ZNF521: variants seen among roughly 807,000 people sequenced by gnomAD.
The protein encoded by ZNF521 is LYST-interacting protein 3.
In ZNF521, 14 loss-of-function variants were observed where a neutral mutation model predicts 105.5. The observed-to-expected ratio is 0.13, with a 90% CI of 0.09 to 0.21. ZNF521 has a LOEUF of 0.21. Ranked by LOEUF, ZNF521 falls within the 10% of genes least tolerant of loss-of-function variation. ZNF521 has a pLI of 1.00. For missense variants in ZNF521, 1,233 were observed against 1,629.7 expected (o/e 0.76, Z 4.19); for synonymous variants, 635 against 606.0 (o/e 1.05, Z -0.70).
chr18:25,207,057 G>A (rs553981819), intron 4 of ZNF521, among the ~76,000 whole-genome samples: 18 of 144,082 alleles, frequency 1.2e-4, no homozygotes, highest in African/African-American at 2.1e-4. Flanking sequence ...TCATTATCCC[G>A]AAAATATCTT....
intron 4 of ZNF521, among the ~76,000 whole-genome samples, chr18:25,203,121 C>T (rs559561345): frequency 2.5e-4 from 38 of 152,244 alleles, no homozygotes; most frequent in Middle Eastern, 3.4e-3. Flanking sequence ...AACACACAAA[C>T]ATTAAAGTGT....
intron 3 of ZNF521, among the ~76,000 whole-genome samples, chr18:25,284,139 G>A (rs2145000023): frequency 6.6e-6 from 1 of 152,280 alleles, no homozygotes; most frequent in Non-Finnish European, 1.5e-5. Context: ...TCAAAAGACA[G>A]CCAAGGAAAG....
At chr18:25,337,840 G>GA (rs1913975610) in intron 2 of ZNF521, among the ~76,000 whole-genome samples, 1 of 152,106 alleles carries the variant, frequency 6.6e-6, no homozygotes, top group Non-Finnish European at 1.5e-5. Flanking sequence ...TAACTAAAAA[G>GA]AAACACCCTG....
Position 25,350,913 on chromosome 18 carries a change from G to A in ZNF521, c.34C>T (p.Leu12Phe), listed in dbSNP as rs748486744. The A allele has an allele frequency of 1.9e-6, 3 of 1,550,846 alleles. No individual in the cohort carries two copies. Among genetic ancestry groups the A allele is most frequent in the Non-Finnish European group, 2.6e-6 (3 of 1,146,516 alleles). ...GCAGGGGGTTCCTCCTTACCTTTGA[G>A]GGATCTCGGTTTCGCTTGCTTGCGG... ...SRRKQAKPRS[L>F]KDPNCKLEDK... The change falls in exon 2 of 8, where the codon CTC (leucine) becomes TTC (phenylalanine). Residue 12 changes from leucine (L) to phenylalanine (F), a missense_variant. This residue lies in a region of ZNF521 where 76 missense variants were observed against 79.3 expected (regional missense o/e 0.96). Coordinates refer to ENST00000361524, the MANE Select transcript of ZNF521 (RefSeq NM_015461.3).
intron 3 of ZNF521, among the ~76,000 whole-genome samples, chr18:25,317,385 A>G (rs1265349359): frequency 6.6e-6 from 1 of 152,184 alleles, no homozygotes; most frequent in African/African-American, 2.4e-5. Context: ...TCAATTTTAT[A>G]GAGCTGAACA....
intron 5 of ZNF521, among the ~76,000 whole-genome samples, chr18:25,124,441 G>A (rs1442857865): frequency 6.6e-6 from 1 of 152,152 alleles, no homozygotes; most frequent in African/African-American, 2.4e-5. Flanking sequence ...CTTTTCATAA[G>A]CAGATCATTT....
chr18:25,136,224 G>A (rs112085198), intron 5 of ZNF521, among the ~76,000 whole-genome samples: 2,149 of 152,218 alleles, frequency 0.014, 50 homozygotes, highest in African/African-American at 0.047. Context: ...ATAGTGATTT[G>A]TTGATATTAT....
chr18:25,299,671 G>T (rs1568064392), intron 3 of ZNF521, among the ~76,000 whole-genome samples: 1 of 152,200 alleles, frequency 6.6e-6, no homozygotes, highest in Non-Finnish European at 1.5e-5. Flanking sequence ...TGACATCTGA[G>T]AGTAGAATTA....
chr18:25,149,753 T>A (rs34478685), intron 5 of ZNF521, among the ~76,000 whole-genome samples: 215 of 152,314 alleles, frequency 1.4e-3, no homozygotes, highest in Admixed American at 2.8e-3. Flanking sequence ...CACTTCTGGG[T>A]GTTCATATCT....
At chr18:25,264,193 G>A (rs1909100030) in intron 3 of ZNF521, among the ~76,000 whole-genome samples, 1 of 152,108 alleles carries the variant, frequency 6.6e-6, no homozygotes, top group African/African-American at 2.4e-5. Flanking sequence ...ATCCTAATTT[G>A]TAGAGCTATG....
chr18:25,091,873 G>A lies in ZNF521; in HGVS notation c.3790+77C>T. On this transcript the variant is annotated intron_variant, in intron 6 of 7. Coordinates refer to ENST00000361524, the MANE Select transcript of ZNF521 (RefSeq NM_015461.3). ...CATGTCTGTAAAAGGCCATAGCAGT[G>A]GGAAGTAATGCTTTGGTAGGAAAGA... is the stretch of plus-strand genomic sequence containing the variant. 8 of 1,544,788 alleles carry A rather than the reference G, an allele frequency of 5.2e-6. No individual in the cohort carries two copies. The South Asian group carries it at 7.4e-5, about 14-fold the overall frequency.
intron 5 of ZNF521, among the ~76,000 whole-genome samples, chr18:25,126,749 T>A (rs59302899): frequency 8.7e-4 from 132 of 152,190 alleles, no homozygotes; most frequent in African/African-American, 3.1e-3. Flanking sequence ...CTACTTCTAA[T>A]ACCTACAGTG....
At position 25,062,539 on chromosome 18, in the gene ZNF521, G is replaced by A. The variant is rs146951093; in HGVS notation, c.*173C>T. On this transcript the variant is annotated 3_prime_UTR_variant, in exon 8 of 8. Coordinates refer to ENST00000361524, the MANE Select transcript of ZNF521 (RefSeq NM_015461.3). ...CACTTTATATACAAGGGGTCTATCC[G>A]GTGCGCAAAAGTTCAAACACATGAA... 72 of 797,832 alleles carry A rather than the reference G, an allele frequency of 9.0e-5. No homozygotes were observed. Among genetic ancestry groups the A allele is most frequent in the Middle Eastern group, 3.2e-4 (1 of 3,108 alleles). The allele number at this position is 797,832 out of a possible 1,614,324, so 49.4% of individuals were successfully genotyped here.
chr18:25,064,228 A>C (rs1294474497), intron 7 of ZNF521, among the ~76,000 whole-genome samples: 1 of 152,200 alleles, frequency 6.6e-6, no homozygotes, highest in Non-Finnish European at 1.5e-5. Flanking sequence ...TGGGTACATA[A>C]AAGTAAAGCA....
intron 5 of ZNF521, among the ~76,000 whole-genome samples, chr18:25,178,001 T>C (rs566610242): frequency 6.6e-6 from 1 of 152,322 alleles, no homozygotes; most frequent in African/African-American, 2.4e-5. Flanking sequence ...TAAAAGAGTG[T>C]TCTTCTTCAT....
At chr18:25,276,234 C>G (rs999268196) in intron 3 of ZNF521, among the ~76,000 whole-genome samples, 2 of 151,908 alleles carry the variant, frequency 1.3e-5, no homozygotes, top group Non-Finnish European at 2.9e-5. Context: ...CCTCCACCCA[C>G]CCCAGACAGA....
intron 3 of ZNF521, among the ~76,000 whole-genome samples, chr18:25,303,271 C>CGTGTGTGTGTGTGTGT (rs756904913): frequency 9.0e-5 from 12 of 132,612 alleles, no homozygotes; most frequent in Non-Finnish European, 1.9e-4. Context: ...TTCTTTCTTT[C>CGTGTGTGTGTGTGTGT]GTGTGTGTGT....
intron 7 of ZNF521, among the ~76,000 whole-genome samples, chr18:25,087,185 A>C (rs897302337): frequency 3.3e-5 from 5 of 152,172 alleles, no homozygotes; most frequent in African/African-American, 1.2e-4. Context: ...GTCCTCAATA[A>C]TTTCTAAGAA....
At chr18:25,198,907 T>C (rs1423150838) in intron 4 of ZNF521, among the ~76,000 whole-genome samples, 1 of 151,962 alleles carries the variant, frequency 6.6e-6, no homozygotes. Context: ...CATCCTTTGA[T>C]CATTGCAAAG....
Sources: allele counts gnomAD v4.1 joint callset (sites outside exome capture counted in the v4.1 genomes callset), GRCh38; gene constraint gnomAD v4.1.1; regional missense constraint gnomAD v4.1.1; transcripts MANE v1.5; gene names NCBI Gene and HGNC (gene_info 2026-07-23, HGNC 2026-07-21).